The following AGBL4 variants were observed in gnomAD, a reference collection of about 807,000 sequenced individuals.
AGBL4 encodes the protein cytosolic carboxypeptidase 6.
In AGBL4, 58 loss-of-function variants were observed where a neutral mutation model predicts 66.4. The ratio of observed to expected loss-of-function variants is 0.87; its 90% CI spans 0.71 to 1.09. The LOEUF (loss-of-function observed/expected upper bound fraction) is 1.09, where lower values mean the gene tolerates loss of function less well. AGBL4 is among the 50% of genes least tolerant of loss of function. The pLI is 0.00. For synonymous variants in AGBL4, 234 were observed against 222.9 expected (o/e 1.05, Z -0.44); for missense variants, 579 against 631.0 (o/e 0.92, Z 0.88).
chr1:48,936,508 G>GT (rs1351851646), intron 5 of AGBL4, among the ~76,000 whole-genome samples: 5 of 152,036 alleles, frequency 3.3e-5, no homozygotes, highest in Admixed American at 2.6e-4. Flanking sequence ...AACTGCAATG[G>GT]GCCCTTACAG....
intron 1 of AGBL4, among the ~76,000 whole-genome samples, chr1:49,914,439 C>G (rs1208644188): frequency 1.3e-5 from 2 of 152,208 alleles, no homozygotes; most frequent in East Asian, 3.9e-4. Flanking sequence ...TCTGTCTGAA[C>G]TTCATCAGAA....
chr1:48,752,295 G>C (rs898910189), intron 6 of AGBL4, among the ~76,000 whole-genome samples: 1 of 152,178 alleles, frequency 6.6e-6, no homozygotes, highest in African/African-American at 2.4e-5. Flanking sequence ...GCCCCAAGAA[G>C]AGAGTCCTGG....
chr1:49,101,272 C>A (rs551154840), intron 4 of AGBL4, among the ~76,000 whole-genome samples: 216 of 152,184 alleles, frequency 1.4e-3, no homozygotes, highest in South Asian at 7.1e-3. Flanking sequence ...ACTGCAACCT[C>A]CGCCTCCCAG....
chr1:48,707,867 G>A (rs1646904801), intron 6 of AGBL4, among the ~76,000 whole-genome samples: 1 of 152,076 alleles, frequency 6.6e-6, no homozygotes, highest in South Asian at 2.1e-4. Flanking sequence ...TTGAGTTTGG[G>A]GCCACATTTT....
At chr1:49,448,974 AT>A (rs1314963347) in intron 3 of AGBL4, among the ~76,000 whole-genome samples, 13 of 152,064 alleles carry the variant, frequency 8.5e-5, no homozygotes, top group African/African-American at 3.1e-4. Flanking sequence ...ACTGATAACT[AT>A]TTACAATGAG....
chr1:48,523,528 G>A, the AGBL4 span, among the ~76,000 whole-genome samples: 1 of 152,202 alleles, frequency 6.6e-6, no homozygotes, highest in East Asian at 1.9e-4. Context: ...CTCTGGGTTA[G>A]TGCTCTTTCA....
chr1:49,660,832 T>C (rs1431019284), intron 3 of AGBL4, among the ~76,000 whole-genome samples: 1 of 152,000 alleles, frequency 6.6e-6, no homozygotes, highest in African/African-American at 2.4e-5. Flanking sequence ...GCTATTATCA[T>C]CAGCAAACTA....
intron 4 of AGBL4, among the ~76,000 whole-genome samples, chr1:49,109,241 C>T (rs1028101038): frequency 1.3e-5 from 2 of 152,188 alleles, no homozygotes; most frequent in African/African-American, 4.8e-5. Context: ...CTTAGCTACA[C>T]CCCTTCTGCT....
chr1:49,908,906 T>C (rs1220025697), intron 1 of AGBL4, among the ~76,000 whole-genome samples: 1 of 152,234 alleles, frequency 6.6e-6, no homozygotes, highest in South Asian at 2.1e-4. Flanking sequence ...TTAAAGGCTA[T>C]ACTCTTTTTA....
chr1:49,576,091 T>C (rs1205749290), intron 3 of AGBL4, among the ~76,000 whole-genome samples: 1 of 152,164 alleles, frequency 6.6e-6, no homozygotes, highest in African/African-American at 2.4e-5. Flanking sequence ...CTGGGGACTG[T>C]TGAGATATTC....
chr1:49,383,168 A>T (rs1328636314), intron 3 of AGBL4, among the ~76,000 whole-genome samples: 1 of 152,232 alleles, frequency 6.6e-6, no homozygotes, highest in Non-Finnish European at 1.5e-5. Context: ...TCCCATGTTC[A>T]TGGATTGGAA....
chr1:49,771,084 C>T (rs367627859), intron 2 of AGBL4, among the ~76,000 whole-genome samples: 11 of 152,124 alleles, frequency 7.2e-5, no homozygotes, highest in African/African-American at 2.6e-4. Flanking sequence ...CCTTGAGAAG[C>T]ATGATTAGGT....
intron 1 of AGBL4, among the ~76,000 whole-genome samples, chr1:49,975,501 A>G (rs753469450): frequency 5.6e-4 from 85 of 152,202 alleles, no homozygotes; most frequent in Non-Finnish European, 1.1e-3. Flanking sequence ...GTGACTTGAC[A>G]TAATAGTCAG....
intron 7 of AGBL4, among the ~76,000 whole-genome samples, chr1:48,661,354 G>T (rs1224069119): frequency 4.6e-5 from 7 of 152,310 alleles, no homozygotes; most frequent in African/African-American, 1.7e-4. Flanking sequence ...GGGAGCAGCA[G>T]GTGTAAAGGT....
At chr1:48,540,062 C>G (rs1366501404) in intron 11 of AGBL4, among the ~76,000 whole-genome samples, 1 of 152,160 alleles carries the variant, frequency 6.6e-6, no homozygotes, top group Non-Finnish European at 1.5e-5. Context: ...GGGTACAGCC[C>G]TTTGGAAATC....
intron 5 of AGBL4, among the ~76,000 whole-genome samples, chr1:48,915,650 G>T (rs564114108): frequency 1.4e-4 from 22 of 152,250 alleles, no homozygotes; most frequent in Admixed American, 3.3e-4. Flanking sequence ...TGTTAGAAAC[G>T]TAAGTTCTTA....
intron 9 of AGBL4, among the ~76,000 whole-genome samples, chr1:48,631,942 C>T (rs1645600702): frequency 6.6e-6 from 1 of 152,180 alleles, no homozygotes; most frequent in South Asian, 2.1e-4. Flanking sequence ...CCTGACATAT[C>T]TTATAAATAC....
At chr1:49,582,302 C>T (rs988683487) in intron 3 of AGBL4, among the ~76,000 whole-genome samples, 4 of 151,276 alleles carry the variant, frequency 2.6e-5, no homozygotes. Context: ...GGGGTAACAG[C>T]CCCTGTGCTG....
chr1:48,955,122 A>G (rs1657325508), intron 5 of AGBL4, among the ~76,000 whole-genome samples: 1 of 152,090 alleles, frequency 6.6e-6, no homozygotes, highest in Non-Finnish European at 1.5e-5. Context: ...CTTAGTGCAC[A>G]TCCTTCCCCT....
Sources: allele counts gnomAD v4.1 joint callset (sites outside exome capture counted in the v4.1 genomes callset), GRCh38; gene constraint gnomAD v4.1.1; transcripts MANE v1.5; gene names NCBI Gene and HGNC (gene_info 2026-07-23, HGNC 2026-07-21).